The following CEP63 variants were observed in gnomAD, a reference collection of about 807,000 sequenced individuals.
CEP63 encodes centrosomal protein of 63 kDa.
In CEP63, 84 loss-of-function variants were observed where a neutral mutation model predicts 89.1. That is an observed-to-expected ratio of 0.94 (90% CI 0.79 to 1.13). CEP63 has a LOEUF of 1.13. Among genes scored for constraint, CEP63 ranks in the 50% most tolerant of loss-of-function variants. The pLI, the probability that CEP63 is intolerant of heterozygous loss-of-function variation, is 0.00. For synonymous variants in CEP63, 267 were observed against 272.5 expected, an observed-to-expected ratio of 0.98 and a Z score of 0.20; for missense variants, 838 against 813.3, an observed-to-expected ratio of 1.03 and a Z score of -0.37.
chr3:134,579,119 C>T (rs147770124), downstream of CEP63, among the ~76,000 whole-genome samples: 7 of 152,316 alleles, frequency 4.6e-5, no homozygotes, highest in Admixed American at 4.6e-4. Context: ...ACTTGACAAC[C>T]GTATTTTTGT....
chr3:134,760,259 C>G, the CEP63 span, among the ~76,000 whole-genome samples: 7,635 of 152,022 alleles, frequency 0.05, 620 homozygotes, highest in African/African-American at 0.17. Flanking sequence ...CGGGGTTTCA[C>G]TGTGTTAGCC....
At chr3:134,749,831 TGAGCAGACAGGAATG>T in the CEP63 span, among the ~76,000 whole-genome samples, 1 of 149,384 alleles carries the variant, frequency 6.7e-6, no homozygotes, top group African/African-American at 2.5e-5. Flanking sequence ...CTAGGAGAGT[TGAGCAGACAGGAATG>T]GAGCAAGCAG....
chr3:134,723,530 T>A, the CEP63 span, among the ~76,000 whole-genome samples: 1 of 152,224 alleles, frequency 6.6e-6, no homozygotes, highest in African/African-American at 2.4e-5. Flanking sequence ...AGCTTTGGAC[T>A]AATGGGTTAC....
chr3:134,566,888 C>A (rs1376337969), downstream of CEP63, among the ~76,000 whole-genome samples: 1 of 152,110 alleles, frequency 6.6e-6, no homozygotes, highest in Non-Finnish European at 1.5e-5. Context: ...AAAAGAGTTA[C>A]CATATTACCC....
intron 3 of CEP63, among the ~76,000 whole-genome samples, chr3:134,510,087 T>C (rs1157721519): frequency 1.3e-5 from 2 of 152,210 alleles, no homozygotes; most frequent in Non-Finnish European, 2.9e-5. Context: ...TAGAATACTT[T>C]ACATTTTGTG....
At chr3:134,604,057 A>T in the CEP63 span, 1 of 1,613,890 alleles carries the variant, frequency 6.2e-7, no homozygotes, top group East Asian at 2.2e-5. Context: ...CTCCTCAGTG[A>T]TGGGGCCATC....
At chr3:134,541,396 G>A (rs1189347842) in intron 6 of CEP63, among the ~76,000 whole-genome samples, 1 of 151,358 alleles carries the variant, frequency 6.6e-6, no homozygotes, top group African/African-American at 2.4e-5. Flanking sequence ...TATTTGATAG[G>A]AATCTAAATT....
At chr3:134,538,206 T>TTTG (rs1241540664) in intron 6 of CEP63, among the ~76,000 whole-genome samples, 117 of 151,362 alleles carry the variant, frequency 7.7e-4, no homozygotes, top group African/African-American at 2.8e-3. Context: ...GGGTTTTTTT[T>TTTG]TTTTTTTTTT....
chr3:134,707,735 T>TTTTC, the CEP63 span, among the ~76,000 whole-genome samples: 21 of 51,150 alleles, frequency 4.1e-4, no homozygotes, highest in South Asian at 0.01. Context: ...ACTTTGATTC[T>TTTTC]TTTCTTTTTT....
At chr3:134,606,890 C>T in the CEP63 span, 7 of 982,848 alleles carry the variant, frequency 7.1e-6, no homozygotes, top group African/African-American at 8.7e-5. Context: ...TATCTAGGTG[C>T]CCTCTTCCTT....
chr3:134,687,110 C>G, the CEP63 span, among the ~76,000 whole-genome samples: 1 of 152,202 alleles, frequency 6.6e-6, no homozygotes, highest in Non-Finnish European at 1.5e-5. Context: ...AATGGTCCTA[C>G]AAGCTATAGC....
chr3:134,698,676 A>C, the CEP63 span, among the ~76,000 whole-genome samples: 1 of 152,236 alleles, frequency 6.6e-6, no homozygotes. Flanking sequence ...GGGAGCAGGT[A>C]CATGACCTCA....
At chr3:134,717,478 A>G in the CEP63 span, among the ~76,000 whole-genome samples, 16 of 152,260 alleles carry the variant, frequency 1.1e-4, no homozygotes, top group African/African-American at 3.4e-4. Flanking sequence ...TGTCTCAAAT[A>G]AGTGGTAATT....
At chr3:134,676,802 G>C in the CEP63 span, among the ~76,000 whole-genome samples, 2 of 152,128 alleles carry the variant, frequency 1.3e-5, no homozygotes, top group Non-Finnish European at 2.9e-5. Context: ...AGGTTGGGGT[G>C]GGTCGGATTT....
chr3:134,742,196 C>T, the CEP63 span, among the ~76,000 whole-genome samples: 1 of 152,188 alleles, frequency 6.6e-6, no homozygotes, highest in East Asian at 1.9e-4. Flanking sequence ...TCAGCTACTA[C>T]TCCTCTCTCT....
chr3:134,712,383 A>G, the CEP63 span, among the ~76,000 whole-genome samples: 2 of 109,796 alleles, frequency 1.8e-5, no homozygotes, highest in Admixed American at 9.6e-5. Context: ...GGACCCCCTT[A>G]GTTTCTGTCT....
At chr3:134,772,002 T>C in the CEP63 span, among the ~76,000 whole-genome samples, 2 of 152,184 alleles carry the variant, frequency 1.3e-5, no homozygotes, top group Non-Finnish European at 2.9e-5. Context: ...GGGTAAAAAT[T>C]GCCATGGATG....
the CEP63 span, among the ~76,000 whole-genome samples, chr3:134,710,850 T>C: frequency 6.6e-6 from 1 of 151,884 alleles, no homozygotes; most frequent in African/African-American, 2.4e-5. Flanking sequence ...GCCTCCCAAG[T>C]AGCTAGCAGT....
chr3:134,516,507 A>G (rs1399553778), intron 3 of CEP63, among the ~76,000 whole-genome samples: 4 of 152,304 alleles, frequency 2.6e-5, no homozygotes, highest in Middle Eastern at 3.4e-3. Context: ...GGGGACGGTC[A>G]GGTCTTACCC....
Sources: gnomAD v4.1 joint callset for allele counts (sites outside exome capture counted in the v4.1 genomes callset) on GRCh38, gnomAD v4.1.1 for gene constraint, MANE v1.5 for transcripts, NCBI Gene and HGNC (gene_info 2026-07-23, HGNC 2026-07-21) for gene names.